Variants in SLC5A7 observed in about 807,000 individuals in gnomAD.
SLC5A7 encodes solute carrier family 5 member 7, also known as high affinity choline transporter 1.
A neutral mutation model predicts 55.4 loss-of-function variants in SLC5A7; 19 were observed. The observed-to-expected ratio is 0.34, with a 90% CI of 0.24 to 0.50. SLC5A7 has a LOEUF of 0.50. Among genes scored for constraint, SLC5A7 ranks in the 20% least tolerant of loss-of-function variants. The pLI is 0.98. For synonymous variants in SLC5A7, 265 were observed against 263.7 expected (o/e 1.00, Z -0.05); for missense variants, 506 against 705.3 (o/e 0.72, Z 3.20).
Position 107,994,394 on chromosome 2 carries a change from C to T in SLC5A7, c.448+1267C>T, listed in dbSNP as rs145444845. On this transcript the variant is annotated intron_variant, in intron 4 of 8. Coordinates refer to ENST00000264047, the MANE Select transcript of SLC5A7 (RefSeq NM_021815.5). ...GTCATGAGATCGAGACCATCCTGGC[C>T]AACATAGTGAAACCCCATCTCTACT... Among the ~76,000 whole-genome samples, 1,306 of 152,092 alleles carry T rather than the reference C, an allele frequency of 8.6e-3. 12 individuals carry two copies. Among genetic ancestry groups the T allele is most frequent in the Non-Finnish European group, 0.014 (955 of 67,972 alleles).
intron 6 of SLC5A7, among the ~76,000 whole-genome samples, 175 bp from the exon 7 acceptor site, chr2:108,005,874 C>T (rs1678094104): frequency 6.6e-6 from 1 of 152,200 alleles, no homozygotes; most frequent in Non-Finnish European, 1.5e-5. Flanking sequence ...TTAGGGGGAA[C>T]ATAAACATCA....
chr2:107,987,193 G>A (rs1178106573), intron 1 of SLC5A7, among the ~76,000 whole-genome samples: 1 of 152,050 alleles, frequency 6.6e-6, no homozygotes, highest in Non-Finnish European at 1.5e-5. Flanking sequence ...TGGGTTCATG[G>A]AACAGCTGTG....
At chr2:107,989,303 A>G (rs543267228) in intron 2 of SLC5A7, among the ~76,000 whole-genome samples, 12 of 152,292 alleles carry the variant, frequency 7.9e-5, no homozygotes, top group African/African-American at 2.6e-4. Flanking sequence ...GTGATGCCCA[A>G]TTTCAGTCCC....
chr2:108,001,546 G>A (rs998593002), intron 5 of SLC5A7, among the ~76,000 whole-genome samples: 1 of 149,922 alleles, frequency 6.7e-6, no homozygotes, highest in African/African-American at 2.4e-5. Flanking sequence ...AGTGGCGGGC[G>A]CCTGTAGTCC....
chr2:107,994,392 G>A (rs1677576653), intron 4 of SLC5A7, among the ~76,000 whole-genome samples: 1 of 152,106 alleles, frequency 6.6e-6, no homozygotes, highest in Non-Finnish European at 1.5e-5. Flanking sequence ...GACCATCCTG[G>A]CCAACATAGT....
rs150838550 is a variant in SLC5A7, at chr2:108,004,616, A to G, written c.742-1433A>G. Among the ~76,000 whole-genome samples, 240 of 152,344 alleles carry G rather than the reference A, an allele frequency of 1.6e-3. 1 individual carries two copies. Among genetic ancestry groups the G allele is most frequent in the African/African-American group, 5.6e-3 (233 of 41,580 alleles). On this transcript the variant is annotated intron_variant, in intron 6 of 8. Coordinates refer to ENST00000264047, the MANE Select transcript of SLC5A7 (RefSeq NM_021815.5). Reference sequence around the variant, plus strand: ...TTATTGAATATTGACTTTATGCCAGAAAGAGAAGTAGCAGTAATCTAGCCA... The same window carrying G: ...TTATTGAATATTGACTTTATGCCAGGAAGAGAAGTAGCAGTAATCTAGCCA...
chr2:107,987,040 C>T (rs937201164), intron 1 of SLC5A7, among the ~76,000 whole-genome samples: 1 of 151,998 alleles, frequency 6.6e-6, no homozygotes, highest in African/African-American at 2.4e-5. Context: ...TGGTTGCTCA[C>T]AAAGGCAGAG....
At chr2:108,008,257 T>C (rs1232921581) in intron 7 of SLC5A7, among the ~76,000 whole-genome samples, 1 of 152,210 alleles carries the variant, frequency 6.6e-6, no homozygotes, top group Admixed American at 6.5e-5. Flanking sequence ...TGTGCAGGCA[T>C]TGTGAATAAC....
At chr2:107,996,646 C>A (rs569484679) in intron 4 of SLC5A7, among the ~76,000 whole-genome samples, 1 of 152,242 alleles carries the variant, frequency 6.6e-6, no homozygotes, top group South Asian at 2.1e-4. Flanking sequence ...GCTACTAAAG[C>A]AACAAGTGAA....
chr2:108,013,923 G>A lies in SLC5A7; in HGVS notation c.*3062G>A, dbSNP rs898770249. The A allele has an allele frequency of 1.6e-4, 24 of 152,028 alleles. No homozygotes were observed. Among genetic ancestry groups the A allele is most frequent in the African/African-American group, 5.6e-4 (23 of 41,400 alleles). The allele number at this position is 152,028 out of a possible 1,614,324, so 9.4% of individuals were successfully genotyped here. On this transcript the variant is annotated 3_prime_UTR_variant, in exon 9 of 9. Transcript: ENST00000264047. The stretch of plus-strand genomic sequence containing the variant: ...TGAAACGAATATAAGCTTAAAATAA[G>A]TGAATCTAATAAAATGGCTATTCCT...
chr2:107,995,165 C>G (rs1423668548), intron 4 of SLC5A7, among the ~76,000 whole-genome samples: 1 of 152,134 alleles, frequency 6.6e-6, no homozygotes, highest in Non-Finnish European at 1.5e-5. Context: ...ACAGTATAGT[C>G]TATTGCTCTT....
intron 2 of SLC5A7, among the ~76,000 whole-genome samples, chr2:107,989,666 C>T (rs976647141): frequency 1.3e-5 from 2 of 152,124 alleles, no homozygotes; most frequent in East Asian, 3.9e-4. Flanking sequence ...TGGTGACCGC[C>T]CCATGCTGTG....
chr2:107,991,807 G>T (rs1231465115), intron 2 of SLC5A7, among the ~76,000 whole-genome samples: 1 of 152,004 alleles, frequency 6.6e-6, no homozygotes, highest in Non-Finnish European at 1.5e-5. Flanking sequence ...TATAATATGA[G>T]CCACAAACAT....
At chr2:107,990,604 G>A (rs1317772937) in intron 2 of SLC5A7, among the ~76,000 whole-genome samples, 1 of 152,164 alleles carries the variant, frequency 6.6e-6, no homozygotes, top group African/African-American at 2.4e-5. Flanking sequence ...TTAACACTGA[G>A]GGTAAAAGCT....
intron 6 of SLC5A7, 152 bp from the exon 7 acceptor site, chr2:108,005,897 C>G (rs941368340): frequency 5.7e-6 from 5 of 869,880 alleles, no homozygotes; most frequent in Admixed American, 2.9e-5. Context: ...TCATAGCAAA[C>G]ATAATGATAC....
intron 4 of SLC5A7, among the ~76,000 whole-genome samples, chr2:107,994,564 C>T (rs1054154928): frequency 2.0e-5 from 3 of 151,746 alleles, no homozygotes; most frequent in Non-Finnish European, 4.4e-5. Context: ...CCAGCCTGGG[C>T]GACAGAGTGA....
Sources: gnomAD v4.1 joint callset for allele counts (sites outside exome capture counted in the v4.1 genomes callset) on GRCh38, gnomAD v4.1.1 for gene constraint, MANE v1.5 for transcripts, NCBI Gene and HGNC (gene_info 2026-07-23, HGNC 2026-07-21) for gene names.